The following TRPM3 variants were observed in gnomAD, a reference collection of about 807,000 sequenced individuals.
The protein encoded by TRPM3 is long transient receptor potential channel 3.
Under a neutral mutation model 181.2 loss-of-function variants are expected in TRPM3, and 77 were observed. The observed-to-expected ratio is 0.42, with a 90% confidence interval of 0.35 to 0.51. The LOEUF (loss-of-function observed/expected upper bound fraction) is 0.51, where lower values mean the gene tolerates loss of function less well. Among genes scored for constraint, TRPM3 ranks in the 20% least tolerant of loss-of-function variants. The pLI is 0.01. For synonymous variants in TRPM3, 745 were observed against 796.4 expected, an observed-to-expected ratio of 0.94 and a Z score of 1.09; for missense variants, 1,759 against 2,196.7, an observed-to-expected ratio of 0.80 and a Z score of 3.98.
chr9:71,298,608 C>G (rs2132312549), intron 1 of TRPM3, among the ~76,000 whole-genome samples: 1 of 152,042 alleles, frequency 6.6e-6, no homozygotes. Context: ...AAATCTGTTT[C>G]TCACAATAAT....
At chr9:70,873,634 C>T (rs576120847) in intron 1 of TRPM3, among the ~76,000 whole-genome samples, 1 of 151,958 alleles carries the variant, frequency 6.6e-6, no homozygotes, top group Non-Finnish European at 1.5e-5. Context: ...TTCTTTAAAA[C>T]TCTGCATGAA....
Position 70,591,050 on chromosome 9 carries a change from C to T in TRPM3, c.3204G>A (p.Val1068=). The part of the protein sequence containing the change: ...YMPYWMIYGE[V]FADQIDPPCG... ...GCTTACGGTCTATCTGGTCCGCAAA[C>T]ACTTCCCCATAAATCATCCAATAGG... Residue 1068 remains valine, a synonymous_variant, in exon 22 of 26, where the codon GTG becomes GTA. Coordinates refer to ENST00000677713, the MANE Select transcript of TRPM3 (RefSeq NM_001366145.2). 6.2e-7 allele frequency: 1 copy of T among 1,614,172 alleles called. No individual in the cohort carries two copies. Among genetic ancestry groups the T allele is most frequent in the Non-Finnish European group, 8.5e-7 (1 of 1,180,036 alleles).
chr9:70,598,539 G>A lies in TRPM3; in HGVS notation c.2928C>T (p.Pro976=). The change falls in exon 21 of 26, where the codon CCC becomes CCT. Residue 976 remains proline, a synonymous_variant. Transcript: ENST00000677713. ...AGATGACCCTCCCGTCACTCCTGAA[G>A]GGCTGGTCTTGGAGACGAAGGATCA... ...VGMILRLQDQ[P]FRSDGRVIYC... 2 of 1,614,228 alleles carry A rather than the reference G, an allele frequency of 1.2e-6. No individual in the cohort carries two copies. Among genetic ancestry groups the A allele is most frequent in the Non-Finnish European group, 1.7e-6 (2 of 1,180,046 alleles).
intron 10 of TRPM3, 109 bp downstream of exon 10, chr9:70,640,451 C>T (rs1290921859): frequency 3.8e-6 from 3 of 782,992 alleles, no homozygotes; most frequent in Middle Eastern, 4.7e-4. Context: ...GAACACATTC[C>T]ATCTTAAAGA....
rs2081190440 is a variant in TRPM3 at position 71,233,509 on chromosome 9, AAAG to A, written c.183+213141_183+213143del. 2.0e-5 allele frequency among the ~76,000 whole-genome samples: 3 copies of A among 152,318 alleles called. No individual in the cohort carries two copies. In the Middle Eastern group the frequency reaches 0.01, roughly 518 times the overall value. ...GTGAGAAAATCTTATATTATTTTGC[AAAG>A]AAATCATCTGCACCATAAAAACAAA... On this transcript the variant is annotated intron_variant, in intron 1 of 24. Coordinates refer to the TRPM3 transcript ENST00000357533.
intron 1 of TRPM3, among the ~76,000 whole-genome samples, chr9:70,871,796 A>G (rs2095794504): frequency 6.6e-6 from 1 of 152,042 alleles, no homozygotes; most frequent in Non-Finnish European, 1.5e-5. Context: ...AGAGAAAACC[A>G]CAAGGGTAAT....
chr9:71,115,165 A>G (rs1420925694), intron 1 of TRPM3, among the ~76,000 whole-genome samples: 1 of 152,150 alleles, frequency 6.6e-6, no homozygotes, highest in Non-Finnish European at 1.5e-5. Flanking sequence ...TACCAGCATC[A>G]GAGGGGCCGC....
intron 1 of TRPM3, among the ~76,000 whole-genome samples, chr9:71,382,681 G>C (rs1343304240): frequency 3.0e-5 from 4 of 132,542 alleles, no homozygotes; most frequent in African/African-American, 1.1e-4. Flanking sequence ...TTTTATATCT[G>C]TATAGTCTTT....
At chr9:71,215,197 C>T (rs1051234566) in intron 1 of TRPM3, among the ~76,000 whole-genome samples, 2 of 152,120 alleles carry the variant, frequency 1.3e-5, no homozygotes, top group African/African-American at 4.8e-5. Flanking sequence ...GCCATTTGCA[C>T]TAGAAATCAA....
chr9:71,131,455 G>A (rs1452599133), intron 1 of TRPM3, among the ~76,000 whole-genome samples: 1 of 152,078 alleles, frequency 6.6e-6, no homozygotes, highest in Non-Finnish European at 1.5e-5. Flanking sequence ...ATTTCTATAG[G>A]GCAATTGTCG....
intron 1 of TRPM3, among the ~76,000 whole-genome samples, chr9:71,096,033 AG>A (rs2067130939): frequency 6.6e-6 from 1 of 152,140 alleles, no homozygotes; most frequent in Non-Finnish European, 1.5e-5. Context: ...TATCCATTTA[AG>A]GGTTAAACAA....
At chr9:70,907,769 A>G (rs1300446925) in intron 1 of TRPM3, among the ~76,000 whole-genome samples, 1 of 152,036 alleles carries the variant, frequency 6.6e-6, no homozygotes, top group African/African-American at 2.4e-5. Flanking sequence ...TGTGTACCCA[A>G]TGTTTAGCTC....
At chr9:71,142,013 ATAAG>A (rs1337176830) in intron 1 of TRPM3, among the ~76,000 whole-genome samples, 2 of 152,198 alleles carry the variant, frequency 1.3e-5, no homozygotes, top group East Asian at 3.9e-4. Flanking sequence ...GAATGTTTCC[ATAAG>A]TAAGTAGAAA....
chr9:71,225,592 A>G (rs1449064984), intron 1 of TRPM3, among the ~76,000 whole-genome samples: 4 of 152,208 alleles, frequency 2.6e-5, no homozygotes, highest in Admixed American at 6.5e-5. Flanking sequence ...GTGTAACTCT[A>G]TAATTGTGGT....
chr9:71,244,588 A>G (rs770712397), intron 1 of TRPM3, among the ~76,000 whole-genome samples: 6 of 152,314 alleles, frequency 3.9e-5, no homozygotes, highest in East Asian at 1.9e-4. Flanking sequence ...CAACCAGTAC[A>G]TTGGACATTA....
At chr9:71,388,503 G>A (rs181197256) in intron 1 of TRPM3, among the ~76,000 whole-genome samples, 1 of 152,194 alleles carries the variant, frequency 6.6e-6, no homozygotes, top group East Asian at 1.9e-4. Flanking sequence ...GATGCACAAA[G>A]GAAAGCCAAT....
In TRPM3 at chr9:71,025,770, T is replaced by C. The variant is rs75962829; in HGVS notation, c.177+95408A>G. ...CTGGGCCCTGTTCCTAAGAGCCTGC[T>C]CCAAGATGTCCAACTAAACACAGCC... On this transcript the variant is annotated intron_variant, in intron 1 of 25. Transcript: ENST00000677713. Among the ~76,000 whole-genome samples, 755 of 152,254 alleles carry C rather than the reference T, an allele frequency of 5.0e-3. 19 individuals are homozygous for C. The East Asian group carries it at 0.078, about 16-fold the overall frequency.
intron 1 of TRPM3, among the ~76,000 whole-genome samples, chr9:71,134,604 A>T (rs2074652000): frequency 1.3e-5 from 2 of 151,978 alleles, no homozygotes; most frequent in African/African-American, 4.8e-5. Context: ...TTATCTCCAT[A>T]AATTAAAGAA....
chr9:71,387,023 T>C (rs552256914), intron 1 of TRPM3, among the ~76,000 whole-genome samples: 1 of 152,180 alleles, frequency 6.6e-6, no homozygotes, highest in South Asian at 2.1e-4. Context: ...CTGATGGTTC[T>C]TACACTTATT....
Sources: allele counts gnomAD v4.1 joint callset (sites outside exome capture counted in the v4.1 genomes callset), GRCh38; gene constraint gnomAD v4.1.1; transcripts MANE v1.5; gene names NCBI Gene and HGNC (gene_info 2026-07-23, HGNC 2026-07-21).